The following NUP85 variants were observed in gnomAD, a reference collection of about 807,000 sequenced individuals.
NUP85 encodes the protein nuclear pore complex protein Nup85.
A neutral mutation model predicts 92.8 loss-of-function variants in NUP85; 23 were observed. The observed-to-expected ratio is 0.25, with a 90% CI of 0.18 to 0.35. The LOEUF is 0.35. NUP85 is among the 10% of genes least tolerant of loss of function. The probability of loss-of-function intolerance (pLI) is 1.00; values close to 1 mark genes in which losing one functional copy is unlikely to be tolerated. For missense variants in NUP85, 759 were observed against 822.8 expected (o/e 0.92, Z 0.95); for synonymous variants, 314 against 306.9 (o/e 1.02, Z -0.24).
intron 16 of NUP85, among the ~76,000 whole-genome samples, chr17:75,233,413 CTTTCTTCTT>C (rs1412376414): frequency 3.6e-4 from 46 of 128,792 alleles, no homozygotes; most frequent in African/African-American, 1.1e-3. Flanking sequence ...CTCTTTCTTT[CTTTCTTCTT>C]TTCTTTTATT....
intron 6 of NUP85, among the ~76,000 whole-genome samples, chr17:75,216,028 C>G (rs970518391): frequency 1.3e-5 from 2 of 152,134 alleles, no homozygotes; most frequent in Admixed American, 1.3e-4. Context: ...CAGAGTGCCT[C>G]CAAGAAACCT....
At chr17:75,210,262 T>G (rs2075216603) in intron 3 of NUP85, among the ~76,000 whole-genome samples, 1 of 152,190 alleles carries the variant, frequency 6.6e-6, no homozygotes, top group South Asian at 2.1e-4. Flanking sequence ...CACAAGCATG[T>G]GAGAGTCGTT....
At chr17:75,235,063 C>T in intron 17 of NUP85, 37 bp from the exon 18 acceptor site, 1 of 1,547,166 alleles carries the variant, frequency 6.5e-7, no homozygotes, top group Non-Finnish European at 8.9e-7. Context: ...CAGGCCAGGG[C>T]TGGGGGCAGC....
intron 3 of NUP85, among the ~76,000 whole-genome samples, chr17:75,210,710 GTT>G (rs1035043875): frequency 6.6e-6 from 1 of 151,754 alleles, no homozygotes; most frequent in African/African-American, 2.4e-5. Flanking sequence ...TTGTTTTTCT[GTT>G]TTTTTTCGAG....
At chr17:75,218,766 A>G (rs571106520) in intron 7 of NUP85, among the ~76,000 whole-genome samples, 1 of 151,896 alleles carries the variant, frequency 6.6e-6, no homozygotes, top group Non-Finnish European at 1.5e-5. Context: ...ATAAAAATAT[A>G]AAAGAGAAAA....
At chr17:75,215,268 T>C (rs2075395656) in intron 5 of NUP85, among the ~76,000 whole-genome samples, 1 of 152,206 alleles carries the variant, frequency 6.6e-6, no homozygotes, top group Admixed American at 6.5e-5. Context: ...GCTGGAATAG[T>C]GGCACGATTA....
chr17:75,228,847 C>T, intron 11 of NUP85: 1 of 985,430 alleles, frequency 1.0e-6, no homozygotes, highest in Non-Finnish European at 1.2e-6. Context: ...CCAGGGGATC[C>T]TGACTCAGAG....
chr17:75,231,382 C>T lies in NUP85; in HGVS notation c.1137C>T (p.Asp379=). ...SNWWFVAHLT[D]LLDHCKLLQS... is the part of the protein sequence containing the mutation. ...GGTGGTTTGTGGCCCACCTGACAGA[C>T]CTGCTGGACCACTGCAAGCTCCTCC... The change falls in exon 12 of 19, where the codon GAC becomes GAT. Residue 379 remains aspartate, a synonymous_variant. Coordinates refer to ENST00000245544, the MANE Select transcript of NUP85 (RefSeq NM_024844.5). This position sits in a 1 kb window ranked among gnomAD's most constrained non-coding sequence, Gnocchi z 4.6. 6.2e-7 allele frequency: 1 copy of T among 1,614,200 alleles called. No individual in the cohort carries two copies. Among genetic ancestry groups the T allele is most frequent in the South Asian group, 1.1e-5 (1 of 91,082 alleles).
At chr17:75,209,451 T>C (rs1410852738) in intron 2 of NUP85, among the ~76,000 whole-genome samples, 6 of 150,456 alleles carry the variant, frequency 4.0e-5, no homozygotes, top group Admixed American at 2.6e-4. Context: ...CTTTCTTTTT[T>C]TTTTTTTTTT....
intron 11 of NUP85, among the ~76,000 whole-genome samples, chr17:75,227,345 T>G (rs971169762): frequency 7.4e-5 from 11 of 148,716 alleles, no homozygotes; most frequent in African/African-American, 2.0e-4. Context: ...TTTTTTTTTT[T>G]TTTTTTTGAG....
chr17:75,229,389 G>T (rs1009492555), intron 11 of NUP85, among the ~76,000 whole-genome samples: 10 of 152,156 alleles, frequency 6.6e-5, no homozygotes, highest in Non-Finnish European at 1.2e-4. Context: ...GCTCATTTGG[G>T]GCTACAGTTG....
chr17:75,205,813 G>T lies in NUP85; in HGVS notation c.33+19G>T. 6.2e-7 allele frequency: 1 copy of T among 1,613,986 alleles called. No homozygotes were observed. On this transcript the variant is annotated intron_variant, in intron 1 of 18. Coordinates refer to ENST00000245544, the MANE Select transcript of NUP85 (RefSeq NM_024844.5). ...AGTCACTGTAAGGGTACCCCGAACA[G>T]GCTTGCTCGTCCTTGCGGGTTGAGA...
chr17:75,207,929 G>A (rs1363157821), intron 1 of NUP85, among the ~76,000 whole-genome samples: 2 of 151,986 alleles, frequency 1.3e-5, no homozygotes, highest in Non-Finnish European at 2.9e-5. Context: ...GGCAGAGGTT[G>A]CAGTGAGTCG....
intron 3 of NUP85, among the ~76,000 whole-genome samples, 169 bp from the exon 4 acceptor site, chr17:75,211,823 C>T (rs1457527968): frequency 3.3e-5 from 5 of 152,018 alleles, no homozygotes; most frequent in East Asian, 1.9e-4. Context: ...TGTTTTGTGG[C>T]GTTTTATTTT....
chr17:75,229,658 G>A (rs927657982), intron 11 of NUP85, among the ~76,000 whole-genome samples: 7 of 152,168 alleles, frequency 4.6e-5, no homozygotes, highest in East Asian at 1.9e-4. Context: ...TAGAGAGACC[G>A]TGGTGGCTTT....
In NUP85 at chr17:75,209,886, A is replaced by T. The variant is rs975822402; in HGVS notation, c.191A>T (p.Tyr64Phe). ...ATCATCCGTAAGGATGTAGATGTTT[A>T]CTCTCAAATCTTGAGAAAACTCTTC... ...IYIIRKDVDVYSQILRKLFNE... is the reference protein window; with the variant it reads ...IYIIRKDVDVFSQILRKLFNE... The change falls in exon 3 of 19, where the codon TAC becomes TTC. Residue 64 changes from tyrosine (Y) to phenylalanine (F), a missense_variant. Transcript: ENST00000245544. 1 of 1,586,520 alleles carries T rather than the reference A, an allele frequency of 6.3e-7. No individual in the cohort carries two copies. The highest frequency in any genetic ancestry group is 2.0e-5 in the Admixed American group (1 of 50,594).
chr17:75,221,602 A>G (rs556501753), intron 7 of NUP85, among the ~76,000 whole-genome samples: 2 of 152,230 alleles, frequency 1.3e-5, no homozygotes, highest in Non-Finnish European at 2.9e-5. Flanking sequence ...CAGTGGAGAT[A>G]ATAATACCTG....
intron 16 of NUP85, 70 bp downstream of exon 16, chr17:75,233,228 G>A (rs962724907): frequency 2.1e-5 from 26 of 1,232,466 alleles, no homozygotes; most frequent in African/African-American, 1.8e-4. Context: ...GAGGGATCAC[G>A]TCAGACTTCT....
At chr17:75,234,577 G>T in intron 16 of NUP85, 60 bp from the exon 17 acceptor site, 2 of 1,580,146 alleles carry the variant, frequency 1.3e-6, no homozygotes, top group Non-Finnish European at 8.7e-7. Context: ...ACTTTTGTAG[G>T]TGTCACTTGG....
Sources: gnomAD v4.1 joint callset for allele counts (sites outside exome capture counted in the v4.1 genomes callset) on GRCh38, gnomAD v4.1.1 for gene constraint, Gnocchi (gnomAD v3.1) non-coding constraint, MANE v1.5 for transcripts, NCBI Gene and HGNC (gene_info 2026-07-23, HGNC 2026-07-21) for gene names.